Variants in CLCNKA observed in about 807,000 individuals in gnomAD.
CLCNKA encodes chloride channel protein ClC-Ka.
CLCNKA carries 66 observed loss-of-function variants against 83.3 expected under a neutral mutation model. The observed-to-expected ratio is 0.79, with a 90% CI of 0.65 to 0.97. The LOEUF is 0.97. CLCNKA is among the 50% of genes least tolerant of loss of function. CLCNKA has a pLI of 0.00. For synonymous variants in CLCNKA, 357 were observed against 370.4 expected (o/e 0.96, Z 0.42); for missense variants, 806 against 888.7 (o/e 0.91, Z 1.18).
At chr1:16,030,740 G>C in intron 15 of CLCNKA, 66 bp downstream of exon 15, 2 of 1,602,436 alleles carry the variant, frequency 1.2e-6, no homozygotes, top group African/African-American at 1.3e-5. Flanking sequence ...TGGGGGTGGA[G>C]GGCACCTCCA....
intron 4 of CLCNKA, among the ~76,000 whole-genome samples, 178 bp from the exon 5 acceptor site, chr1:16,025,930 A>G (rs1442147684): frequency 6.6e-6 from 1 of 152,092 alleles, no homozygotes; most frequent in East Asian, 1.9e-4. Flanking sequence ...AATTTTTTGT[A>G]TCTTTAGTAG....
Position 16,030,636 on chromosome 1 carries a change from G to A in CLCNKA, c.1584G>A (p.Lys528=). 1.2e-6 allele frequency: 2 copies of A among 1,613,090 alleles called. No homozygotes were observed. The highest frequency in any genetic ancestry group is 1.7e-6 in the Non-Finnish European group (2 of 1,180,038). The change falls in exon 15 of 20, where the codon AAG becomes AAA. Residue 528 remains lysine (K), a synonymous_variant. Transcript: ENST00000331433. ...ATGATGGCACCATCATTGTCAAGAAGCTGCCATACCTGCCACGGATTCTGG... is the reference window on the plus strand; with the variant it reads ...ATGATGGCACCATCATTGTCAAGAAACTGCCATACCTGCCACGGATTCTGG... The part of the protein sequence containing the change: ...SFYDGTIIVK[K]LPYLPRILGR...
chr1:16,030,019 G>A lies in CLCNKA; in HGVS notation c.1352G>A (p.Gly451Asp), dbSNP rs756677444. The A allele has an allele frequency of 5.0e-6, 8 of 1,611,032 alleles. No individual in the cohort carries two copies. The highest frequency in any genetic ancestry group is 2.7e-5 in the African/African-American group (2 of 74,896). The change falls in exon 14 of 20, where the codon GGC (glycine) becomes GAC (aspartate). Residue 451 changes from glycine to aspartate, a missense_variant. Physicochemically the swap from Gly to Asp is moderately conservative, Grantham distance 94. Coordinates refer to ENST00000331433, the MANE Select transcript of CLCNKA (RefSeq NM_004070.4). ...GCTCTTGCCGTCGCCTTCCCTGAGG[G>A]CATTGTGACTGGAGGGGTTACCAAT... ...GEALAVAFPE[G>D]IVTGGVTNPI...
chr1:16,029,683 C>G, intron 12 of CLCNKA, 48 bp from the exon 13 acceptor site: 1 of 1,608,570 alleles, frequency 6.2e-7, no homozygotes, highest in Non-Finnish European at 8.5e-7. Flanking sequence ...TTGTCCACAC[C>G]TTGCCCAGCG....
Position 16,032,377 on chromosome 1 carries a change from G to A in CLCNKA, c.1846-66G>A. The A allele has an allele frequency of 2.6e-6, 4 of 1,549,458 alleles. No homozygotes were observed. The South Asian group carries it at 4.4e-5, about 17-fold the overall frequency. The stretch of plus-strand genomic sequence containing the variant: ...AGGGACCCGCTGATCTCCTGAGGGA[G>A]AGGTGGTCTGAGAGAGGCATCCTGG... On this transcript the variant is annotated intron_variant, in intron 17 of 19. Coordinates refer to ENST00000331433, the MANE Select transcript of CLCNKA (RefSeq NM_004070.4).
intron 15 of CLCNKA, among the ~76,000 whole-genome samples, chr1:16,031,119 A>G (rs1178373876): frequency 2.0e-5 from 3 of 152,220 alleles, no homozygotes; most frequent in Admixed American, 2.0e-4. Flanking sequence ...TCAACCAGAT[A>G]GGACCAGAGC....
intron 5 of CLCNKA, 32 bp from the exon 6 acceptor site, chr1:16,026,504 G>A (rs750856639): frequency 6.2e-7 from 1 of 1,613,124 alleles, no homozygotes; most frequent in South Asian, 1.1e-5. Context: ...TGTCTCTGCT[G>A]CCCTCACCTG....
At chr1:16,025,939 A>G (rs1358298712) in intron 4 of CLCNKA, among the ~76,000 whole-genome samples, 169 bp from the exon 5 acceptor site, 1 of 152,118 alleles carries the variant, frequency 6.6e-6, no homozygotes, top group Non-Finnish European at 1.5e-5. Flanking sequence ...TATCTTTAGT[A>G]GAGATGGGGT....
At chr1:16,030,850 C>T (rs540107046) in intron 15 of CLCNKA, among the ~76,000 whole-genome samples, 176 bp downstream of exon 15, 38 of 152,234 alleles carry the variant, frequency 2.5e-4, no homozygotes, top group Admixed American at 6.5e-4. Context: ...CCTGGGTGAC[C>T]TTGGGCAAGT....
chr1:16,029,005 A>G lies in CLCNKA; in HGVS notation c.1054-121A>G, dbSNP rs1269971115. The G allele has an allele frequency of 4.6e-6, 7 of 1,527,976 alleles. No individual in the cohort carries two copies. In the Admixed American group the frequency reaches 1.3e-4, roughly 29 times the overall value. 94.7% of individuals were successfully genotyped at this position (1,527,976 alleles called of 1,614,324 possible). On this transcript the variant is annotated intron_variant, in intron 11 of 19. Coordinates refer to ENST00000331433, the MANE Select transcript of CLCNKA (RefSeq NM_004070.4). ...GCTCTGGGAGGTCAGAGCCCTGCCCAAGGCCCCCCGCTGGGAAGTGGCAGG... is the reference window on the plus strand; with the variant it reads ...GCTCTGGGAGGTCAGAGCCCTGCCCGAGGCCCCCCGCTGGGAAGTGGCAGG...
chr1:16,032,168 A>G, intron 16 of CLCNKA, 35 bp from the exon 17 acceptor site: 2 of 1,586,718 alleles, frequency 1.3e-6, no homozygotes, highest in Non-Finnish European at 1.7e-6. Context: ...TTTCTTCATA[A>G]TGCACCTCCC....
At chr1:16,027,744 C>G in intron 8 of CLCNKA, 77 bp from the exon 9 acceptor site, 1 of 1,388,870 alleles carries the variant, frequency 7.2e-7, no homozygotes, top group Middle Eastern at 2.5e-4. Flanking sequence ...CCCCTCCACC[C>G]TGGGCTGTTA....
At position 16,032,212 on chromosome 1, in the gene CLCNKA, T is replaced by A. The variant is rs2022652001; in HGVS notation, c.1766T>A (p.Ile589Asn). Residue 589 changes from isoleucine to asparagine, a missense_variant, in exon 17 of 20, where the codon ATC becomes AAC. Transcript: ENST00000331433. Reference protein sequence around the residue: ...YPLVESTESQILVGIVQRAQL... With the variant: ...YPLVESTESQNLVGIVQRAQL... Reference sequence around the variant, plus strand: ...CCTCTCTACTTGCCAGAGTCCCAGATCCTGGTAGGCATCGTGCAGAGGGCC... The same window carrying A: ...CCTCTCTACTTGCCAGAGTCCCAGAACCTGGTAGGCATCGTGCAGAGGGCC... 6.2e-7 allele frequency: 1 copy of A among 1,612,216 alleles called. No homozygotes were observed. Among genetic ancestry groups the A allele is most frequent in the Non-Finnish European group, 8.5e-7 (1 of 1,179,686 alleles).
At position 16,028,777 on chromosome 1, in the gene CLCNKA, G is replaced by T. The variant is rs780404192; in HGVS notation, c.985G>T (p.Ala329Ser). The T allele has an allele frequency of 1.9e-6, 3 of 1,614,028 alleles. No homozygotes were observed. The highest frequency in any genetic ancestry group is 2.5e-6 in the Non-Finnish European group (3 of 1,180,036). The change falls in exon 11 of 20, where the codon GCT (alanine) becomes TCT (serine). Residue 329 changes from alanine to serine, a missense_variant. Ala to Ser is a moderately conservative substitution (Grantham distance 99). Coordinates refer to ENST00000331433, the MANE Select transcript of CLCNKA (RefSeq NM_004070.4). ...LLATSKPVYS[A>S]LATLLLASIT... Reference sequence around the variant, plus strand: ...CCCCCACAGCAAGCCTGTGTACTCCGCTCTGGCCACCTTGCTTCTCGCCTC... The same window carrying T: ...CCCCCACAGCAAGCCTGTGTACTCCTCTCTGGCCACCTTGCTTCTCGCCTC...
In CLCNKA at chr1:16,033,584, C is replaced by G. The variant is rs748546278; in HGVS notation, c.2017-27C>G. ...TCACAACCTCCTCTACATCCCCCCC[C>G]ACCTCCACCCCCTTTCTCTGTTCTA... On this transcript the variant is annotated intron_variant, in intron 19 of 19. Coordinates refer to ENST00000331433, the MANE Select transcript of CLCNKA (RefSeq NM_004070.4). The G allele has an allele frequency of 3.0e-5, 35 of 1,164,000 alleles. 1 individual carries two copies. The East Asian group carries it at 5.1e-4, about 17-fold the overall frequency. 72.1% of individuals were successfully genotyped at this position (1,164,000 alleles called of 1,614,324 possible).
intron 11 of CLCNKA, 72 bp from the exon 12 acceptor site, chr1:16,029,054 C>G: frequency 1.3e-6 from 2 of 1,571,270 alleles, no homozygotes; most frequent in Non-Finnish European, 1.7e-6. Flanking sequence ...CGGGGTCAGG[C>G]GGTGCGGGGG....
Position 16,022,683 on chromosome 1 carries a change from T to C in CLCNKA, c.64T>C (p.Trp22Arg). 1 of 1,556,090 alleles carries C rather than the reference T, an allele frequency of 6.4e-7. No individual in the cohort carries two copies. The highest frequency in any genetic ancestry group is 8.7e-7 in the Non-Finnish European group (1 of 1,150,350). Residue 22 changes from tryptophan to arginine, a missense_variant, in exon 2 of 20, where the codon TGG (tryptophan) becomes CGG (arginine). Trp to Arg is a moderately radical substitution (Grantham distance 101). Transcript: ENST00000331433. The stretch of plus-strand genomic sequence containing the variant: ...GGACCCTGTGACTCTGCAGGAGCTG[T>C]GGGGCCCCTGTCCCCACATCCGCCG... ...SGDPVTLQEL[W>R]GPCPHIRRAI...
In CLCNKA at chr1:16,031,439, C is replaced by T. The variant is rs529589966; in HGVS notation, c.1623-271C>T. 7.1e-4 allele frequency among the ~76,000 whole-genome samples: 108 copies of T among 152,284 alleles called. 1 individual carries two copies. The highest frequency in any genetic ancestry group is 2.5e-3 in the African/African-American group (105 of 41,554). On this transcript the variant is annotated intron_variant, in intron 15 of 19. Coordinates refer to ENST00000331433, the MANE Select transcript of CLCNKA (RefSeq NM_004070.4). The stretch of plus-strand genomic sequence containing the variant: ...TCCGTCATCTCACACTCAGCTCTGT[C>T]CAAGGTGGGACAAGACCCAAGTGAA...
intron 8 of CLCNKA, 104 bp from the exon 9 acceptor site, chr1:16,027,717 G>A (rs1273715564): frequency 6.0e-6 from 9 of 1,489,270 alleles, no homozygotes; most frequent in Admixed American, 1.9e-5. Context: ...CACAGATTCC[G>A]AGTCAGGACC....
Sources: allele counts gnomAD v4.1 joint callset (sites outside exome capture counted in the v4.1 genomes callset), GRCh38; gene constraint gnomAD v4.1.1; transcripts MANE v1.5; gene names NCBI Gene and HGNC (gene_info 2026-07-23, HGNC 2026-07-21).